CEP95: variants seen among roughly 807,000 people sequenced by gnomAD.
CEP95 encodes the protein centrosomal protein of 95 kDa.
In CEP95, 98 loss-of-function variants were observed where a neutral mutation model predicts 111.2. That is an observed-to-expected ratio of 0.88 (90% CI 0.75 to 1.04). The LOEUF (loss-of-function observed/expected upper bound fraction) is 1.04, where lower values mean the gene tolerates loss of function less well. Among genes scored for constraint, CEP95 ranks in the 50% least tolerant of loss-of-function variants. The probability of loss-of-function intolerance (pLI) is 0.00; values close to 1 mark genes in which losing one functional copy is unlikely to be tolerated. For missense variants in CEP95, 1,027 were observed against 977.2 expected, an observed-to-expected ratio of 1.05 and a Z score of -0.68; for synonymous variants, 323 against 327.1, an observed-to-expected ratio of 0.99 and a Z score of 0.14.
chr17:64,510,968 G>C (rs554783176), intron 3 of CEP95, among the ~76,000 whole-genome samples: 1 of 152,178 alleles, frequency 6.6e-6, no homozygotes, highest in African/African-American at 2.4e-5. Context: ...CTGGGCGTCT[G>C]GGGGAGACAT....
At chr17:64,518,165 C>T (rs1967022384) in intron 5 of CEP95, among the ~76,000 whole-genome samples, 1 of 152,258 alleles carries the variant, frequency 6.6e-6, no homozygotes, top group Admixed American at 6.5e-5. Flanking sequence ...GCGTGAGCCC[C>T]TGCGCCCAGC....
chr17:64,508,965 C>T (rs1157213261), intron 2 of CEP95, among the ~76,000 whole-genome samples: 1 of 151,818 alleles, frequency 6.6e-6, no homozygotes, highest in African/African-American at 2.4e-5. Context: ...CCCTGTGGAA[C>T]CCACTCATAA....
Position 64,522,769 on chromosome 17 carries a change from T to G in CEP95, c.783T>G (p.Ile261Met), listed in dbSNP as rs1568139170. The G allele has an allele frequency of 6.2e-7, 1 of 1,613,896 alleles. No homozygotes were observed. The highest frequency in any genetic ancestry group is 1.1e-5 in the South Asian group (1 of 91,080). Residue 261 changes from isoleucine to methionine, a missense_variant, in exon 8 of 20, where the codon ATT (isoleucine) becomes ATG (methionine). Physicochemically the swap from Ile to Met is conservative, Grantham distance 10 (BLOSUM62 1). Coordinates refer to ENST00000556440, the MANE Select transcript of CEP95 (RefSeq NM_138363.3). ...RKLGEPIRAA[I>M]PLHPPYHPSE... Reference sequence around the variant, plus strand: ...TAGGGGAGCCTATCCGAGCAGCTATTCCTTTACATCCACCCTACCACCCTT... The same window carrying G: ...TAGGGGAGCCTATCCGAGCAGCTATGCCTTTACATCCACCCTACCACCCTT...
chr17:64,506,966 T>C, upstream of CEP95: 1 of 996,106 alleles, frequency 1.0e-6, no homozygotes, highest in Non-Finnish European at 1.6e-6. Flanking sequence ...TCCGTCCTTC[T>C]TTCACGCCTC....
chr17:64,507,618 G>A, intron 1 of CEP95: 2 of 989,748 alleles, frequency 2.0e-6, no homozygotes, highest in Non-Finnish European at 2.4e-6. Flanking sequence ...GTCTAGCACC[G>A]CTTTTGAAGA....
intron 1 of CEP95, chr17:64,507,546 A>G: frequency 1.9e-6 from 2 of 1,069,646 alleles, no homozygotes; most frequent in South Asian, 2.9e-5. Context: ...GAATAGTAGA[A>G]TATGCCCCTG....
At chr17:64,519,094 A>G (rs1172947911) in intron 5 of CEP95, among the ~76,000 whole-genome samples, 2 of 152,210 alleles carry the variant, frequency 1.3e-5, no homozygotes, top group Admixed American at 6.5e-5. Flanking sequence ...CCCACACCCT[A>G]GAGTCACCAG....
chr17:64,516,805 A>G lies in CEP95; in HGVS notation c.450A>G (p.Ser150=). 6.2e-7 allele frequency: 1 copy of G among 1,607,478 alleles called. No homozygotes were observed. The highest frequency in any genetic ancestry group is 8.5e-7 in the Non-Finnish European group (1 of 1,174,208). ...AAAGTACTAAAGAATCTAAATCATC[A>G]TGGAAAAGAGTTTCTTTTGGGAGGT... ...EPESTKESKS[S]WKRVSFGRCS... Residue 150 remains serine, a synonymous_variant, in exon 5 of 20, where the codon TCA becomes TCG. Transcript: ENST00000556440.
intron 8 of CEP95, among the ~76,000 whole-genome samples, chr17:64,523,392 A>G (rs1967527987): frequency 6.6e-6 from 1 of 152,122 alleles, no homozygotes; most frequent in Non-Finnish European, 1.5e-5. Flanking sequence ...TGTGTCCGTA[A>G]TTTAATAATT....
chr17:64,514,123 T>A (rs2039023892), intron 3 of CEP95, 125 bp from the exon 4 acceptor site: 2 of 472,146 alleles, frequency 4.2e-6, no homozygotes, highest in African/African-American at 3.9e-5. Flanking sequence ...CAAGGAGCTG[T>A]AAGTTGGTAT....
At chr17:64,532,355 C>G in intron 14 of CEP95, 1 of 1,090,086 alleles carries the variant, frequency 9.2e-7, no homozygotes, top group Non-Finnish European at 1.1e-6. Context: ...TGCTCCAAGG[C>G]AAGCAGATGG....
Position 64,533,010 on chromosome 17 carries a change from T to A in CEP95, c.1842+2T>A. 6.2e-7 allele frequency: 1 copy of A among 1,610,902 alleles called. No homozygotes were observed. Among genetic ancestry groups the A allele is most frequent in the South Asian group, 1.1e-5 (1 of 90,194 alleles). On this transcript the variant is annotated splice_donor_variant, in intron 15 of 19. Transcript: ENST00000556440. LOFTEE classifies it high-confidence loss of function. The stretch of plus-strand genomic sequence containing the variant: ...TCAAAGAAGAAACTCCAAGATGAAG[T>A]AAGTTACTGTCAGTCTTAAGCATAG...
At position 64,525,791 on chromosome 17, in the gene CEP95, T is replaced by A; in HGVS notation, c.931T>A (p.Leu311Ile). ...ATAGGATCTAGATGATGGACTTTTCTTAATTTCCAAGTTGCCTAAAGGCAG... is the reference window on the plus strand; with the variant it reads ...ATAGGATCTAGATGATGGACTTTTCATAATTTCCAAGTTGCCTAAAGGCAG... ...FSGDLDDGLF[L>I]ISKLPKGSKW... Residue 311 changes from leucine (L) to isoleucine (I), a missense_variant, in exon 9 of 20, where the codon TTA (leucine) becomes ATA (isoleucine). Transcript: ENST00000556440. The A allele has an allele frequency of 6.2e-7, 1 of 1,606,988 alleles. No individual in the cohort carries two copies. Among genetic ancestry groups the A allele is most frequent in the Non-Finnish European group, 8.5e-7 (1 of 1,177,410 alleles).
intron 5 of CEP95, among the ~76,000 whole-genome samples, chr17:64,517,338 C>T (rs1487330890): frequency 1.3e-5 from 2 of 152,252 alleles, no homozygotes; most frequent in East Asian, 1.9e-4. Flanking sequence ...TGAGCCACCG[C>T]GCCTGGTCCC....
rs1481044727 is a variant in CEP95, at chr17:64,534,748, CTT to C, written c.2070+14_2070+15del. 1 of 1,607,344 alleles carries C rather than the reference CTT, an allele frequency of 6.2e-7. No homozygotes were observed. Among genetic ancestry groups the C allele is most frequent in the Non-Finnish European group, 8.5e-7 (1 of 1,176,556 alleles). ...ACCCGGGAAGAAATGGTAAGTCTGA[CTT>C]TTCTGTCCAGCCCTGTTAAGAAGGT... On this transcript the variant is annotated intron_variant, in intron 17 of 19. Transcript: ENST00000556440.
chr17:64,526,375 G>A (rs1363697662), intron 10 of CEP95, among the ~76,000 whole-genome samples, 175 bp downstream of exon 10: 6 of 152,172 alleles, frequency 3.9e-5, no homozygotes, highest in Non-Finnish European at 8.8e-5. Flanking sequence ...AGCGTTTCAT[G>A]ATCTAACTAA....
Position 64,516,843 on chromosome 17 carries a change from C to T in CEP95, c.473+15C>T, listed in dbSNP as rs1966894275. ...TCTTTTGGGAGGTAGCACTTAGTGT[C>T]TCTGAATTTGATGAAAACAAGTTAC... is the stretch of plus-strand genomic sequence containing the variant. On this transcript the variant is annotated intron_variant, in intron 5 of 19. Transcript: ENST00000556440. 3 of 1,434,020 alleles carry T rather than the reference C, an allele frequency of 2.1e-6. No homozygotes were observed. The Admixed American group carries it at 5.2e-5, about 25-fold the overall frequency. 88.8% of individuals were successfully genotyped at this position (1,434,020 alleles called of 1,614,324 possible).
chr17:64,529,327 C>T lies in CEP95; in HGVS notation c.1346C>T (p.Ser449Leu), dbSNP rs782377222. Residue 449 changes from serine (S) to leucine (L), a missense_variant, in exon 12 of 20, where the codon TCG becomes TTG. Transcript: ENST00000556440. Reference sequence around the variant, plus strand: ...AGAAAGCCACCCTACAGATCCCATTCGCTCTCTCCATCTCCAGTTAACAAA... The same window carrying T: ...AGAAAGCCACCCTACAGATCCCATTTGCTCTCTCCATCTCCAGTTAACAAA... ...MRRKPPYRSH[S>L]LSPSPVNKHK... The T allele has an allele frequency of 6.3e-5, 102 of 1,613,600 alleles. No homozygotes were observed. The highest frequency in any genetic ancestry group is 8.3e-5 in the Non-Finnish European group (98 of 1,179,736).
chr17:64,507,005 C>T lies in CEP95; in HGVS notation c.-93C>T, dbSNP rs2038572053. 3 of 1,442,202 alleles carry T rather than the reference C, an allele frequency of 2.1e-6. No homozygotes were observed. The highest frequency in any genetic ancestry group is 1.9e-6 in the Non-Finnish European group (2 of 1,048,196). The allele number at this position is 1,442,202 out of a possible 1,614,324, so 89.3% of individuals were successfully genotyped here. ...CCCCGCGCTTTGGTTCGTGCGTCCG[C>T]GCCCCAGTGTCGGGTCTGCGTGGAT... On this transcript the variant is annotated 5_prime_UTR_variant, in exon 1 of 20. Coordinates refer to ENST00000556440, the MANE Select transcript of CEP95 (RefSeq NM_138363.3).
Sources: gnomAD v4.1 joint callset for allele counts (sites outside exome capture counted in the v4.1 genomes callset) on GRCh38, gnomAD v4.1.1 for gene constraint, MANE v1.5 for transcripts, NCBI Gene and HGNC (gene_info 2026-07-23, HGNC 2026-07-21) for gene names.